ADGRL2: variants seen among roughly 807,000 people sequenced by gnomAD.
The protein encoded by ADGRL2 is adhesion G protein-coupled receptor L2, also known as calcium-independent alpha-latrotoxin receptor 2.
Under a neutral mutation model 157.4 loss-of-function variants are expected in ADGRL2, and 44 were observed. That is an observed-to-expected ratio of 0.28 (90% CI 0.22 to 0.36). The LOEUF (loss-of-function observed/expected upper bound fraction) is 0.36. Among genes scored for constraint, ADGRL2 ranks in the 10% least tolerant of loss-of-function variants. The pLI is 1.00. For synonymous variants in ADGRL2, 585 were observed against 624.7 expected (o/e 0.94, Z 0.95); for missense variants, 1,510 against 1,768.9 (o/e 0.85, Z 2.63).
chr1:81,438,476 A>C (rs2077449253), intron 1 of ADGRL2, among the ~76,000 whole-genome samples: 1 of 152,176 alleles, frequency 6.6e-6, no homozygotes, highest in Admixed American at 6.5e-5. Context: ...AATACCACAT[A>C]ATGGTACAAT....
intron 3 of ADGRL2, among the ~76,000 whole-genome samples, chr1:81,590,370 C>T (rs529236387): frequency 6.6e-6 from 1 of 152,214 alleles, no homozygotes; most frequent in African/African-American, 2.4e-5. Context: ...TAACCATTTC[C>T]ATGGATAGCT....
chr1:81,433,111 C>A (rs1250638065), intron 1 of ADGRL2, among the ~76,000 whole-genome samples: 1 of 152,072 alleles, frequency 6.6e-6, no homozygotes, highest in Non-Finnish European at 1.5e-5. Flanking sequence ...AAATTATCTG[C>A]CTTAGACAAG....
intron 2 of ADGRL2, among the ~76,000 whole-genome samples, chr1:81,547,812 G>A (rs571269992): frequency 6.1e-4 from 93 of 152,030 alleles, no homozygotes; most frequent in Non-Finnish European, 1.1e-3. Context: ...TTGCAACAAG[G>A]GAACTTGATT....
At chr1:81,746,970 GTA>G (rs1557615561) in intron 1 of ADGRL2, among the ~76,000 whole-genome samples, 15 of 144,172 alleles carry the variant, frequency 1.0e-4, no homozygotes, top group South Asian at 2.2e-4. Context: ...ATATACACAC[GTA>G]TACACACGTG....
intron 1 of ADGRL2, among the ~76,000 whole-genome samples, chr1:81,725,314 C>G (rs1354404628): frequency 6.7e-6 from 1 of 149,820 alleles, no homozygotes; most frequent in African/African-American, 2.5e-5. Flanking sequence ...CCGAAGCGGG[C>G]AGATCACAAG....
intron 2 of ADGRL2, among the ~76,000 whole-genome samples, chr1:81,850,196 G>A (rs1292874850): frequency 4.0e-5 from 6 of 151,882 alleles, no homozygotes; most frequent in Non-Finnish European, 7.4e-5. Flanking sequence ...CTTAACCATA[G>A]CATTTCACTG....
At chr1:81,851,703 T>G (rs931129428) in intron 2 of ADGRL2, among the ~76,000 whole-genome samples, 16 of 150,770 alleles carry the variant, frequency 1.1e-4, no homozygotes, top group Non-Finnish European at 1.8e-4. Flanking sequence ...GTAGCTTTTT[T>G]GGGGAAATTG....
intron 3 of ADGRL2, among the ~76,000 whole-genome samples, chr1:81,655,070 G>A (rs1014352275): frequency 1.3e-4 from 20 of 152,132 alleles, no homozygotes; most frequent in South Asian, 1.2e-3. Flanking sequence ...CCTGCGATGG[G>A]GGTCCTAAGA....
intron 2 of ADGRL2, among the ~76,000 whole-genome samples, chr1:81,567,155 G>A (rs1361433620): frequency 1.3e-5 from 2 of 152,092 alleles, no homozygotes; most frequent in Non-Finnish European, 2.9e-5. Flanking sequence ...AATTGCTGTG[G>A]AATCAGCTGT....
chr1:81,350,943 A>G (rs1202845750), intron 1 of ADGRL2, among the ~76,000 whole-genome samples: 1 of 152,204 alleles, frequency 6.6e-6, no homozygotes, highest in African/African-American at 2.4e-5. Context: ...GGCAGTGCTC[A>G]TATGTTTTTA....
At chr1:81,805,674 T>G (rs996775799) in intron 1 of ADGRL2, among the ~76,000 whole-genome samples, 5 of 151,506 alleles carry the variant, frequency 3.3e-5, no homozygotes, top group Middle Eastern at 6.4e-3. Context: ...CTGAAATTAT[T>G]TTATGGTAGT....
intron 1 of ADGRL2, among the ~76,000 whole-genome samples, chr1:81,803,573 C>T (rs1339920881): frequency 6.6e-6 from 1 of 151,778 alleles, no homozygotes; most frequent in Non-Finnish European, 1.5e-5. Flanking sequence ...CCCTCCATTC[C>T]GTTCTTCCCG....
chr1:81,419,971 C>T (rs764970902), intron 1 of ADGRL2, among the ~76,000 whole-genome samples: 41 of 152,130 alleles, frequency 2.7e-4, no homozygotes, highest in Non-Finnish European at 5.4e-4. Context: ...TATAACTAGG[C>T]AACAGTTGTT....
At chr1:81,323,403 C>A (rs974993618) in intron 1 of ADGRL2, among the ~76,000 whole-genome samples, 1 of 139,000 alleles carries the variant, frequency 7.2e-6, no homozygotes, top group Admixed American at 8.0e-5. Context: ...TTGTACTAGA[C>A]TAATTCAATT....
chr1:81,663,127 C>G (rs1408240578), intron 3 of ADGRL2, among the ~76,000 whole-genome samples: 1 of 126,718 alleles, frequency 7.9e-6, no homozygotes, highest in Non-Finnish European at 1.6e-5. Context: ...TCTGGAATTT[C>G]CTTATCTGAC....
intron 2 of ADGRL2, among the ~76,000 whole-genome samples, chr1:81,497,455 T>C (rs1254089153): frequency 6.6e-6 from 1 of 152,186 alleles, no homozygotes; most frequent in Non-Finnish European, 1.5e-5. Context: ...AGGATGTCTT[T>C]ACACAGGGTG....
At chr1:81,672,993 A>G (rs750311636) in intron 3 of ADGRL2, among the ~76,000 whole-genome samples, 1 of 152,210 alleles carries the variant, frequency 6.6e-6, no homozygotes, top group African/African-American at 2.4e-5. Flanking sequence ...ACTAGTTCCA[A>G]CTAGCCTCAG....
intron 2 of ADGRL2, among the ~76,000 whole-genome samples, chr1:81,554,922 G>C (rs963474484): frequency 6.6e-6 from 1 of 151,994 alleles, no homozygotes. Flanking sequence ...TTAGTGAGGG[G>C]CAGAGAGACA....
chr1:81,432,292 C>A (rs1205351861), intron 1 of ADGRL2, among the ~76,000 whole-genome samples: 1 of 152,226 alleles, frequency 6.6e-6, no homozygotes, highest in African/African-American at 2.4e-5. Flanking sequence ...TCAGCTTACA[C>A]ATAGGGCCAA....
Sources: gnomAD v4.1 joint callset for allele counts (sites outside exome capture counted in the v4.1 genomes callset) on GRCh38, gnomAD v4.1.1 for gene constraint, MANE v1.5 for transcripts, NCBI Gene and HGNC (gene_info 2026-07-23, HGNC 2026-07-21) for gene names.